Variants in HAUS3 observed in about 807,000 individuals in gnomAD.
HAUS3 encodes HAUS augmin like complex subunit 3.
Under a neutral mutation model 55.2 loss-of-function variants are expected in HAUS3, and 36 were observed. The ratio of observed to expected loss-of-function variants is 0.65; its 90% CI spans 0.50 to 0.86. The LOEUF (loss-of-function observed/expected upper bound fraction) is 0.86, where lower values mean the gene tolerates loss of function less well. Among genes scored for constraint, HAUS3 ranks in the 40% least tolerant of loss-of-function variants. HAUS3 has a pLI of 0.00. For missense variants in HAUS3, 752 were observed against 671.5 expected, an observed-to-expected ratio of 1.12 and a Z score of -1.33; for synonymous variants, 234 against 238.6, an observed-to-expected ratio of 0.98 and a Z score of 0.18.
chr4:2,239,887 T>C (rs900981476), intron 3 of HAUS3, 151 bp downstream of exon 3: 9 of 644,296 alleles, frequency 1.4e-5, no homozygotes, highest in Admixed American at 6.4e-5. Flanking sequence ...GTATGAAACA[T>C]TGACACAGAT....
At position 2,229,525 on chromosome 4, in the gene HAUS3, T is replaced by A. The variant is rs1036066936; in HGVS notation, c.*2402A>T. 7 of 218,416 alleles carry A rather than the reference T, an allele frequency of 3.2e-5. No individual in the cohort carries two copies. The highest frequency in any genetic ancestry group is 1.4e-4 in the African/African-American group (6 of 43,186). The allele number at this position is 218,416 out of a possible 1,614,324, so 13.5% of individuals were successfully genotyped here. A position where few individuals can be genotyped will look rare whatever the true frequency, so the allele number is the denominator to read the frequency against. Reference sequence around the variant, plus strand: ...AATACATCCTGAGGTTTGAAAAATGTTATTAAATCTTCAAATAGGCTGAGC... The same window carrying A: ...AATACATCCTGAGGTTTGAAAAATGATATTAAATCTTCAAATAGGCTGAGC... On this transcript the variant is annotated 3_prime_UTR_variant, in exon 6 of 6. Transcript: ENST00000443786.
At chr4:2,241,464 C>G in intron 2 of HAUS3, 56 bp downstream of exon 2, 1 of 981,558 alleles carries the variant, frequency 1.0e-6, no homozygotes, top group South Asian at 4.7e-5. Flanking sequence ...GCCCTCCGTA[C>G]GTAAGAAGAC....
At chr4:2,232,978 A>AC (rs368837936) in intron 5 of HAUS3, among the ~76,000 whole-genome samples, 19 of 151,866 alleles carry the variant, frequency 1.3e-4, no homozygotes, top group African/African-American at 4.1e-4. Context: ...AGATTCCTGT[A>AC]CCCCCCCACT....
At chr4:2,232,191 A>C in intron 5 of HAUS3, 31 bp from the exon 6 acceptor site, 2 of 1,017,192 alleles carry the variant, frequency 2.0e-6, no homozygotes, top group Non-Finnish European at 2.9e-6. Context: ...TAAAAATTAA[A>C]ACACTTTATT....
chr4:2,241,264 G>T (rs967929664), intron 2 of HAUS3, among the ~76,000 whole-genome samples, 171 bp from the exon 3 acceptor site: 25 of 152,180 alleles, frequency 1.6e-4, no homozygotes, highest in Admixed American at 1.6e-3. Context: ...CTAGTTCTCA[G>T]AAAACCGCAA....
intron 5 of HAUS3, among the ~76,000 whole-genome samples, chr4:2,232,982 C>A (rs754090264): frequency 6.6e-5 from 10 of 152,102 alleles, no homozygotes; most frequent in African/African-American, 1.4e-4. Context: ...TCCTGTACCC[C>A]CCCACTAGAC....
chr4:2,232,162 T>TA lies in HAUS3; in HGVS notation c.1579-3dup. ...TTTATGAAACTGCTCTGTTAACTCC[T>TA]AAAAAAGGAAAATAAAAATAAAAAT... On this transcript the variant is annotated splice_region_variant and splice_polypyrimidine_tract_variant and intron_variant, in intron 5 of 5. Transcript: ENST00000443786. 1 of 1,364,334 alleles carries TA rather than the reference T, an allele frequency of 7.3e-7. No individual in the cohort carries two copies. Among genetic ancestry groups the TA allele is most frequent in the Non-Finnish European group, 1.0e-6 (1 of 999,734 alleles). 84.5% of individuals were successfully genotyped at this position (1,364,334 alleles called of 1,614,324 possible). A position where few individuals can be genotyped will look rare whatever the true frequency, so the allele number is the denominator to read the frequency against.
In HAUS3 at chr4:2,240,820, A is replaced by C; in HGVS notation, c.127T>G (p.Phe43Val). The C allele has an allele frequency of 6.2e-7, 1 of 1,613,786 alleles. No individual in the cohort carries two copies. The highest frequency in any genetic ancestry group is 8.5e-7 in the Non-Finnish European group (1 of 1,179,978). ...GVEDESFLKWFCGNVNEQNVL... is the reference protein window; with the variant it reads ...GVEDESFLKWVCGNVNEQNVL... ...TTCTGTTCATTCACATTCCCACAAA[A>C]CCACTTCAGAAACGATTCATCTTCA... is the stretch of plus-strand genomic sequence containing the variant. The change falls in exon 3 of 6, where the codon TTT becomes GTT. Residue 43 changes from phenylalanine to valine, a missense_variant. By Grantham distance (50) the Phe-to-Val change is conservative (BLOSUM62 -1). Transcript: ENST00000443786.
At chr4:2,234,054 A>G (rs1467095688) in intron 5 of HAUS3, among the ~76,000 whole-genome samples, 10 of 152,222 alleles carry the variant, frequency 6.6e-5, no homozygotes, top group Admixed American at 6.5e-4. Flanking sequence ...AGAGCAAACA[A>G]AAGAAAAAAA....
chr4:2,229,398 T>A lies in HAUS3; in HGVS notation c.*2529A>T. On this transcript the variant is annotated 3_prime_UTR_variant, in exon 6 of 6. Transcript: ENST00000443786. ...AATAGGCATCAATCATCCAATAATA[T>A]AGATAGAAAGAAAAAAGCAAAATAG... 1.7e-6 allele frequency: 1 copy of A among 593,338 alleles called. No homozygotes were observed. Among genetic ancestry groups the A allele is most frequent in the African/African-American group, 2.0e-5 (1 of 50,912 alleles). The allele number at this position is 593,338 out of a possible 1,614,324, so 36.8% of individuals were successfully genotyped here. A position where few individuals can be genotyped will look rare whatever the true frequency, so the allele number is the denominator to read the frequency against.
At chr4:2,241,423 C>T (rs912740061) in intron 2 of HAUS3, 97 bp downstream of exon 2, 3 of 867,536 alleles carry the variant, frequency 3.5e-6, no homozygotes, top group African/African-American at 1.8e-5. Context: ...CAAACCCAAG[C>T]CACCAGGAGG....
In HAUS3 at chr4:2,238,912, C is replaced by T. The variant is rs1424666003; in HGVS notation, c.1041G>A (p.Leu347=). ...AATCTCCCTTTACCACTGGCATATT[C>T]AATAACTGGGCATTCTCTCTTACCA... is the stretch of plus-strand genomic sequence containing the variant. ...PAVVRENAQL[L]NMPVVKGDFD... is the part of the protein sequence containing the mutation. Residue 347 remains leucine, a synonymous_variant, in exon 4 of 6, where the codon TTG becomes TTA. Transcript: ENST00000443786. 1 of 1,612,616 alleles carries T rather than the reference C, an allele frequency of 6.2e-7. No individual in the cohort carries two copies. Among genetic ancestry groups the T allele is most frequent in the African/African-American group, 1.3e-5 (1 of 74,832 alleles).
In HAUS3 at chr4:2,237,093, A is replaced by C. The variant is rs1734793308; in HGVS notation, c.1350-637T>G. On this transcript the variant is annotated intron_variant, in intron 4 of 5. Coordinates refer to ENST00000443786, the MANE Select transcript of HAUS3 (RefSeq NM_001303143.2). ...ACTTTAACTGCCACTAACGTACTTC[A>C]AAGTGCACTTCAGAGATAACCTCCA... 1.3e-5 allele frequency among the ~76,000 whole-genome samples: 2 copies of C among 152,082 alleles called. 1 individual carries two copies. The highest frequency in any genetic ancestry group is 4.1e-4 in the South Asian group (2 of 4,832).
Position 2,240,542 on chromosome 4 carries a change from C to CA in HAUS3, c.404dup (p.Arg136GlufsTer5), listed in dbSNP as rs750861230. 1.2e-6 allele frequency: 2 copies of CA among 1,613,686 alleles called. No homozygotes were observed. The highest frequency in any genetic ancestry group is 2.2e-5 in the East Asian group (1 of 44,872). On this transcript the variant is annotated frameshift_variant, in exon 3 of 6. Coordinates refer to ENST00000443786, the MANE Select transcript of HAUS3 (RefSeq NM_001303143.2). LOFTEE classifies it high-confidence loss of function. ...CTTCTTCTTCTTTAGCATTTAACCT[C>CA]AGAGATTTGTGGCTAGTTACTGAAG...
Position 2,232,657 on chromosome 4 carries a change from T to C in HAUS3, c.1579-497A>G, listed in dbSNP as rs1734623740. The stretch of plus-strand genomic sequence containing the variant: ...CATTTTTCATTTTTTCATATTGTCT[T>C]ACCAAATAGAATTACACATGACATT... On this transcript the variant is annotated intron_variant, in intron 5 of 5. Transcript: ENST00000443786. 2.0e-5 allele frequency among the ~76,000 whole-genome samples: 3 copies of C among 151,568 alleles called. No individual in the cohort carries two copies. The South Asian group carries it at 6.2e-4, about 31-fold the overall frequency.
chr4:2,235,581 G>A (rs974690674), intron 5 of HAUS3, among the ~76,000 whole-genome samples: 1 of 152,122 alleles, frequency 6.6e-6, no homozygotes, highest in South Asian at 2.1e-4. Flanking sequence ...ATAGCTTTAC[G>A]TGTATCAACA....
At chr4:2,234,889 AT>A (rs1317993588) in intron 5 of HAUS3, among the ~76,000 whole-genome samples, 1 of 152,040 alleles carries the variant, frequency 6.6e-6, no homozygotes, top group Non-Finnish European at 1.5e-5. Flanking sequence ...ACATGGAGAA[AT>A]TTTCTTCTTT....
chr4:2,240,922 C>T lies in HAUS3; in HGVS notation c.25G>A (p.Glu9Lys). The T allele has an allele frequency of 6.3e-7, 1 of 1,598,674 alleles. No homozygotes were observed. Among genetic ancestry groups the T allele is most frequent in the East Asian group, 2.2e-5 (1 of 44,852 alleles). The stretch of plus-strand genomic sequence containing the variant: ...GGATAACCAATTTTTTTTAATGTTT[C>T]CACAAACTCATTTCCACAACTCATG... MSCGNEFV[E>K]TLKKIGYPKA... The change falls in exon 3 of 6, where the codon GAA becomes AAA. Residue 9 changes from glutamate to lysine, a missense_variant. Transcript: ENST00000443786.
In HAUS3 at chr4:2,230,098, C is replaced by CA. The variant is rs1447664474; in HGVS notation, c.*1828dup. The CA allele has an allele frequency of 6.6e-6, 1 of 152,508 alleles. No homozygotes were observed. The highest frequency in any genetic ancestry group is 1.5e-5 in the Non-Finnish European group (1 of 68,372). The allele number at this position is 152,508 out of a possible 1,614,324, so 9.4% of individuals were successfully genotyped here. A position where few individuals can be genotyped will look rare whatever the true frequency, so the allele number is the denominator to read the frequency against. Reference sequence around the variant, plus strand: ...TCACTTGAGGTCAGGAGTTTGAGACCAGCCTGACCAACATGGTGAAACCCC... The same window carrying CA: ...TCACTTGAGGTCAGGAGTTTGAGACCAAGCCTGACCAACATGGTGAAACCCC... On this transcript the variant is annotated 3_prime_UTR_variant, in exon 6 of 6. Coordinates refer to ENST00000443786, the MANE Select transcript of HAUS3 (RefSeq NM_001303143.2).
Sources: allele counts gnomAD v4.1 joint callset (sites outside exome capture counted in the v4.1 genomes callset), GRCh38; gene constraint gnomAD v4.1.1; transcripts MANE v1.5; gene names NCBI Gene and HGNC (gene_info 2026-07-23, HGNC 2026-07-21).